CLYBL: variants seen among roughly 807,000 people sequenced by gnomAD.
CLYBL encodes citramalyl-CoA lyase, mitochondrial.
In CLYBL, 31 loss-of-function variants were observed where a neutral mutation model predicts 38.9. That is an observed-to-expected ratio of 0.80 (90% CI 0.60 to 1.08). The LOEUF is 1.08. CLYBL is among the 50% of genes least tolerant of loss of function. The probability of loss-of-function intolerance (pLI) is 0.00; values close to 1 mark genes in which losing one functional copy is unlikely to be tolerated. For missense variants in CLYBL, 434 were observed against 411.6 expected (o/e 1.05, Z -0.47); for synonymous variants, 171 against 158.6 (o/e 1.08, Z -0.59).
intron 2 of CLYBL, among the ~76,000 whole-genome samples, chr13:99,858,385 A>G (rs946005036): frequency 6.6e-6 from 1 of 152,250 alleles, no homozygotes; most frequent in African/African-American, 2.4e-5. Flanking sequence ...TGCCTGTGGA[A>G]AAAGAAAAAT....
chr13:99,707,374 A>G (rs981246855), intron 1 of CLYBL, among the ~76,000 whole-genome samples: 3 of 152,024 alleles, frequency 2.0e-5, no homozygotes, highest in East Asian at 3.9e-4. Flanking sequence ...GGTTCAAGCA[A>G]TTCTCCTGCC....
chr13:99,892,032 C>T (rs984777954), intron 8 of CLYBL: 1 of 152,172 alleles, frequency 6.6e-6, no homozygotes, highest in African/African-American at 2.4e-5. Flanking sequence ...CTCCTTGAAC[C>T]GCTAGACGAT....
At chr13:99,670,438 AGTTTCCTGAAACATAACTTGTTTAT>A (rs573896696) in intron 1 of CLYBL, among the ~76,000 whole-genome samples, 237 of 152,290 alleles carry the variant, frequency 1.6e-3, no homozygotes, top group Middle Eastern at 3.4e-3. Context: ...TTCCCGTGGC[AGTTTCCTGAAACATAACTTGTTTAT>A]GTTTCCTGAA....
intron 7 of CLYBL, chr13:99,877,492 G>C (rs1265837516): frequency 3.3e-6 from 1 of 305,314 alleles, no homozygotes; most frequent in East Asian, 1.2e-4. Context: ...CTTTCCTGTA[G>C]CTAATTACAT....
chr13:99,614,106 G>A (rs1594083226), intron 1 of CLYBL, among the ~76,000 whole-genome samples: 3 of 152,136 alleles, frequency 2.0e-5, no homozygotes, highest in East Asian at 1.9e-4. Context: ...ACAGGGAGGA[G>A]GATGGAGTTG....
chr13:99,800,652 T>A (rs1171137150), intron 2 of CLYBL, among the ~76,000 whole-genome samples: 3 of 152,102 alleles, frequency 2.0e-5, no homozygotes, highest in Non-Finnish European at 2.9e-5. Context: ...GGTGGGTGGA[T>A]CACCTGAGGT....
At chr13:99,850,070 T>A (rs1329947407) in intron 2 of CLYBL, among the ~76,000 whole-genome samples, 6 of 152,202 alleles carry the variant, frequency 3.9e-5, no homozygotes, top group African/African-American at 1.4e-4. Flanking sequence ...GGTATATATC[T>A]CATGACCTTC....
intron 1 of CLYBL, among the ~76,000 whole-genome samples, chr13:99,642,370 G>A (rs1158474108): frequency 2.0e-5 from 3 of 152,088 alleles, no homozygotes; most frequent in African/African-American, 7.2e-5. Flanking sequence ...ATCTTGGGGT[G>A]AAAATCAGAG....
chr13:99,815,268 C>T (rs986147360), intron 2 of CLYBL, among the ~76,000 whole-genome samples: 3 of 152,016 alleles, frequency 2.0e-5, no homozygotes, highest in Non-Finnish European at 1.5e-5. Flanking sequence ...CTCATGTGTA[C>T]GTGTTTGTGA....
intron 1 of CLYBL, among the ~76,000 whole-genome samples, chr13:99,654,125 A>G (rs1199689006): frequency 1.3e-5 from 2 of 152,098 alleles, no homozygotes; most frequent in African/African-American, 4.8e-5. Context: ...GCCTTCCTTT[A>G]TGGGGACACT....
intron 1 of CLYBL, among the ~76,000 whole-genome samples, chr13:99,677,558 G>A (rs778992066): frequency 6.6e-6 from 1 of 152,186 alleles, no homozygotes; most frequent in Non-Finnish European, 1.5e-5. Context: ...AAGCTTGTGT[G>A]TTTGCGATTT....
chr13:99,782,449 G>C (rs1029212200), intron 2 of CLYBL, among the ~76,000 whole-genome samples: 4 of 152,040 alleles, frequency 2.6e-5, no homozygotes. Context: ...AGGTTGCTGC[G>C]AGCCAAGATC....
chr13:99,614,240 A>T (rs969529562), intron 1 of CLYBL, among the ~76,000 whole-genome samples: 2 of 152,152 alleles, frequency 1.3e-5, no homozygotes, highest in Non-Finnish European at 2.9e-5. Context: ...CTGGAGCAAG[A>T]GTCTTCTGGA....
At chr13:99,713,629 C>T (rs949222893) in intron 1 of CLYBL, among the ~76,000 whole-genome samples, 1 of 151,996 alleles carries the variant, frequency 6.6e-6, no homozygotes, top group Non-Finnish European at 1.5e-5. Flanking sequence ...CATGAGCCAC[C>T]ATGTCTGGCC....
intron 1 of CLYBL, among the ~76,000 whole-genome samples, chr13:99,768,530 A>G (rs1594169881): frequency 2.1e-4 from 1 of 4,868 alleles, no homozygotes; most frequent in Non-Finnish European, 4.2e-4. Context: ...TTTTTTTTTA[A>G]AGACAGAATC....
At chr13:99,733,901 A>G (rs958391073) in intron 1 of CLYBL, among the ~76,000 whole-genome samples, 1 of 152,206 alleles carries the variant, frequency 6.6e-6, no homozygotes, top group Non-Finnish European at 1.5e-5. Context: ...GTAACCCCAA[A>G]TCTTTCACCA....
At chr13:99,809,599 G>A (rs966012834) in intron 2 of CLYBL, among the ~76,000 whole-genome samples, 16 of 152,260 alleles carry the variant, frequency 1.1e-4, no homozygotes, top group African/African-American at 3.6e-4. Flanking sequence ...AATGGATCCT[G>A]AAGCGAAGAA....
chr13:99,853,048 G>A (rs2051369277), intron 2 of CLYBL, among the ~76,000 whole-genome samples: 1 of 151,654 alleles, frequency 6.6e-6, no homozygotes. Context: ...ACAATGAAAT[G>A]CACAAATTTA....
At chr13:99,670,324 A>G (rs1384213875) in intron 1 of CLYBL, among the ~76,000 whole-genome samples, 1 of 152,194 alleles carries the variant, frequency 6.6e-6, no homozygotes, top group Non-Finnish European at 1.5e-5. Flanking sequence ...GTCTGTGAAT[A>G]GCCACTGCGG....
Sources: gnomAD v4.1 joint callset for allele counts (sites outside exome capture counted in the v4.1 genomes callset) on GRCh38, gnomAD v4.1.1 for gene constraint, MANE v1.5 for transcripts, NCBI Gene and HGNC (gene_info 2026-07-23, HGNC 2026-07-21) for gene names.